Variants in AAMDC observed in about 807,000 individuals in gnomAD.
AAMDC encodes the protein mth938 domain-containing protein.
In AAMDC, 16 loss-of-function variants were observed where a neutral mutation model predicts 15.5. That is an observed-to-expected ratio of 1.03 (90% confidence interval 0.70 to 1.57). The LOEUF (loss-of-function observed/expected upper bound fraction) is 1.57, where lower values mean the gene tolerates loss of function less well. AAMDC is among the 40% of genes most tolerant of loss of function. The pLI, the probability that AAMDC is intolerant of heterozygous loss-of-function variation, is 0.00. For missense variants in AAMDC, 141 were observed against 144.9 expected, an observed-to-expected ratio of 0.97 and a Z score of 0.14; for synonymous variants, 51 against 51.6, an observed-to-expected ratio of 0.99 and a Z score of 0.05.
intron 5 of AAMDC, among the ~76,000 whole-genome samples, chr11:77,879,642 T>G (rs1166493435): frequency 2.0e-5 from 3 of 152,182 alleles, no homozygotes; most frequent in African/African-American, 7.2e-5. Context: ...GGACCTAAAA[T>G]GTCTGAAAAC....
intron 5 of AAMDC, among the ~76,000 whole-genome samples, chr11:77,895,391 T>G (rs1188064235): frequency 6.6e-6 from 1 of 151,936 alleles, no homozygotes; most frequent in Admixed American, 6.6e-5. Context: ...TGAGTAGACT[T>G]TGTATTCTTC....
chr11:77,898,367 T>C, intron 5 of AAMDC, among the ~76,000 whole-genome samples: 1 of 152,160 alleles, frequency 6.6e-6, no homozygotes, highest in East Asian at 1.9e-4. Context: ...TTTCACCATC[T>C]TGGCCAGGCT....
chr11:77,868,582 C>T (rs1565212973), intron 2 of AAMDC: 1 of 151,964 alleles, frequency 6.6e-6, no homozygotes, highest in Non-Finnish European at 1.5e-5. Context: ...TGGTATCAAA[C>T]TCCTGACCTC....
rs755051270 is a variant in AAMDC at position 77,891,834 on chromosome 11, G to A, written c.329-8737G>A. On this transcript the variant is annotated intron_variant, in intron 5 of 5. Coordinates refer to the AAMDC transcript ENST00000304716. Reference sequence around the variant, plus strand: ...CCTGCAAGTGGGGCAAATCAGCGATGAAATACCTGGAGGAACAAACAGAAG... The same window carrying A: ...CCTGCAAGTGGGGCAAATCAGCGATAAAATACCTGGAGGAACAAACAGAAG... 3.1e-6 allele frequency: 5 copies of A among 1,611,226 alleles called. No individual in the cohort carries two copies. The South Asian group carries it at 5.5e-5, about 18-fold the overall frequency.
At chr11:77,902,057 C>T (rs1441964941), downstream of AAMDC, among the ~76,000 whole-genome samples, 4 of 152,170 alleles carry the variant, frequency 2.6e-5, no homozygotes, top group African/African-American at 4.8e-5. Flanking sequence ...ATCAAGTCCC[C>T]GATCTTGCTC....
At position 77,872,212 on chromosome 11, in the gene AAMDC, G is replaced by A. The variant is rs750947566; in HGVS notation, c.266G>A (p.Gly89Asp). 2.5e-6 allele frequency: 4 copies of A among 1,613,766 alleles called. No individual in the cohort carries two copies. Among genetic ancestry groups the A allele is most frequent in the Non-Finnish European group, 3.4e-6 (4 of 1,179,856 alleles). ...ACTGTGGAGTACCTCAAGAAACATGGCATTGATGTGCGGGTCCTCCAGACA... is the reference window on the plus strand; with the variant it reads ...ACTGTGGAGTACCTCAAGAAACATGACATTGATGTGCGGGTCCTCCAGACA... ...SSTVEYLKKH[G>D]IDVRVLQTEQ... The change falls in exon 4 of 4, where the codon GGC becomes GAC. Residue 89 changes from glycine to aspartate, a missense_variant. Gly to Asp is a moderately conservative substitution (Grantham distance 94). Coordinates refer to ENST00000393427, the MANE Select transcript of AAMDC (RefSeq NM_024684.4).
chr11:77,829,853 T>C (rs1239954983), intron 1 of AAMDC: 1 of 152,204 alleles, frequency 6.6e-6, no homozygotes, highest in Non-Finnish European at 1.5e-5. Context: ...AAATCAAGTC[T>C]GGGCACAGTT....
intron 5 of AAMDC, among the ~76,000 whole-genome samples, chr11:77,893,206 G>A (rs1008426148): frequency 2.0e-4 from 31 of 152,134 alleles, no homozygotes; most frequent in South Asian, 8.3e-4. Flanking sequence ...GTGCTTTAAC[G>A]GATTCATTCC....
chr11:77,877,523 A>G (rs1269849421), intron 5 of AAMDC, among the ~76,000 whole-genome samples: 21 of 152,230 alleles, frequency 1.4e-4, no homozygotes, highest in Admixed American at 1.2e-3. Flanking sequence ...ACTGAGGCAG[A>G]GAGAGCTGAA....
chr11:77,884,697 C>G lies in AAMDC; in HGVS notation c.328+7648C>G. Reference sequence around the variant, plus strand: ...GGAAGGCATGTCTCACCCACTTGCCCTATAATCCTTCATCTCTCCTCAGGT... The same window carrying G: ...GGAAGGCATGTCTCACCCACTTGCCGTATAATCCTTCATCTCTCCTCAGGT... On this transcript the variant is annotated intron_variant, in intron 5 of 5. Coordinates refer to the AAMDC transcript ENST00000304716. The G allele has an allele frequency of 1.6e-5, 4 of 250,036 alleles. No individual in the cohort carries two copies. In the Admixed American group the frequency reaches 1.6e-4, roughly 10 times the overall value. The allele number at this position is 250,036 out of a possible 1,614,324, so 15.5% of individuals were successfully genotyped here. A position where few individuals can be genotyped will look rare whatever the true frequency, so the allele number is the denominator to read the frequency against.
chr11:77,902,424 A>G (rs1223407723), downstream of AAMDC, among the ~76,000 whole-genome samples: 2 of 152,158 alleles, frequency 1.3e-5, no homozygotes, highest in Non-Finnish European at 2.9e-5. Context: ...CTCTTCTACA[A>G]TAAGCCACAT....
chr11:77,878,990 G>C lies in AAMDC; in HGVS notation c.328+1941G>C, dbSNP rs188994465. On this transcript the variant is annotated intron_variant, in intron 5 of 5. Coordinates refer to the AAMDC transcript ENST00000304716. ...TTGGGCATTATATAAACTTTTACAGGCTTGCTGAAGGGAATGGTGCCCTCG... is the reference window on the plus strand; with the variant it reads ...TTGGGCATTATATAAACTTTTACAGCCTTGCTGAAGGGAATGGTGCCCTCG... 24 of 1,614,080 alleles carry C rather than the reference G, an allele frequency of 1.5e-5. No individual in the cohort carries two copies. In the African/African-American group the frequency reaches 2.8e-4, roughly 19 times the overall value.
chr11:77,896,735 A>G (rs993461768), intron 5 of AAMDC, among the ~76,000 whole-genome samples: 2 of 152,026 alleles, frequency 1.3e-5, no homozygotes, highest in Non-Finnish European at 2.9e-5. Context: ...AGGTATAGGA[A>G]AAATAGATCC....
intron 5 of AAMDC, among the ~76,000 whole-genome samples, chr11:77,900,313 A>G (rs912193920): frequency 3.3e-5 from 5 of 152,030 alleles, no homozygotes; most frequent in South Asian, 2.1e-4. Context: ...GTTAGCCAGG[A>G]TGCTCTTGAT....
intron 1 of AAMDC, among the ~76,000 whole-genome samples, chr11:77,825,766 A>G (rs960639000): frequency 1.3e-5 from 2 of 150,362 alleles, no homozygotes; most frequent in Admixed American, 6.7e-5. Flanking sequence ...ATCTAGGCTC[A>G]CTGCAACCTC....
intron 2 of AAMDC, among the ~76,000 whole-genome samples, chr11:77,858,938 G>A (rs190510492): frequency 3.0e-4 from 46 of 152,326 alleles, no homozygotes; most frequent in Non-Finnish European, 5.4e-4. Flanking sequence ...GGCCTGCAGT[G>A]CAGGGGATTA....
chr11:77,822,763 A>G (rs913606038), intron 1 of AAMDC, among the ~76,000 whole-genome samples: 1 of 152,202 alleles, frequency 6.6e-6, no homozygotes, highest in African/African-American at 2.4e-5. Context: ...AAACTTGGCA[A>G]ATACTTTTGA....
At chr11:77,875,293 A>G (rs772221785), downstream of AAMDC, among the ~76,000 whole-genome samples, 6 of 152,234 alleles carry the variant, frequency 3.9e-5, no homozygotes, top group Non-Finnish European at 8.8e-5. Context: ...CCAGGTACAG[A>G]TCAGTTGGAA....
chr11:77,878,218 A>T (rs192000444), intron 5 of AAMDC, among the ~76,000 whole-genome samples: 2 of 151,916 alleles, frequency 1.3e-5, no homozygotes, highest in African/African-American at 2.4e-5. Flanking sequence ...AAAAATTAGC[A>T]AGGCGTGGTG....
Sources: gnomAD v4.1 joint callset for allele counts (sites outside exome capture counted in the v4.1 genomes callset) on GRCh38, gnomAD v4.1.1 for gene constraint, MANE v1.5 for transcripts, NCBI Gene and HGNC (gene_info 2026-07-23, HGNC 2026-07-21) for gene names.